Variants in MYLK observed in about 807,000 individuals in gnomAD.
MYLK encodes myosin light chain kinase, also known as myosin light chain kinase, smooth muscle.
MYLK carries 106 observed loss-of-function variants against 203.4 expected under a neutral mutation model. The ratio of observed to expected loss-of-function variants is 0.52; its 90% confidence interval spans 0.45 to 0.61. MYLK has a LOEUF of 0.61. Ranked by LOEUF, MYLK falls within the 20% of genes least tolerant of loss-of-function variation. The pLI is 0.00. For missense variants in MYLK, 2,072 were observed against 2,442.3 expected (o/e 0.85, Z 3.20); for synonymous variants, 867 against 959.5 (o/e 0.90, Z 1.78).
chr3:123,872,063 C>T (rs911133483), intron 2 of MYLK, among the ~76,000 whole-genome samples: 3 of 151,838 alleles, frequency 2.0e-5, no homozygotes, highest in African/African-American at 7.3e-5. Context: ...AAACTATGAC[C>T]AGCAGGCCAA....
intron 19 of MYLK, among the ~76,000 whole-genome samples, chr3:123,686,424 C>T (rs186323399): frequency 1.5e-4 from 22 of 151,566 alleles, no homozygotes; most frequent in East Asian, 7.8e-4. Flanking sequence ...TCTGACCCCA[C>T]GCAGGGGGCA....
At chr3:123,798,130 C>T (rs1428066777) in intron 3 of MYLK, among the ~76,000 whole-genome samples, 1 of 152,228 alleles carries the variant, frequency 6.6e-6, no homozygotes. Context: ...GGGCACCCAT[C>T]TCAATCAGAA....
At chr3:123,681,961 G>A (rs2108453509) in intron 20 of MYLK, 6 of 527,594 alleles carry the variant, frequency 1.1e-5, no homozygotes, top group East Asian at 6.8e-5. Context: ...GGGCAGGGGA[G>A]GTAGATAGGA....
intron 5 of MYLK, 135 bp downstream of exon 5, chr3:123,752,196 C>T: frequency 1.1e-6 from 1 of 907,946 alleles, no homozygotes; most frequent in Non-Finnish European, 1.8e-6. Flanking sequence ...ATTGGAAGGT[C>T]CGGGGTTCAA....
At chr3:123,786,828 T>G (rs928195500) in intron 4 of MYLK, among the ~76,000 whole-genome samples, 2 of 152,204 alleles carry the variant, frequency 1.3e-5, no homozygotes, top group Non-Finnish European at 2.9e-5. Flanking sequence ...TTACTATGTA[T>G]ACATGGCCCA....
intron 19 of MYLK, among the ~76,000 whole-genome samples, chr3:123,684,879 C>G (rs1460851012): frequency 1.3e-5 from 2 of 152,230 alleles, no homozygotes; most frequent in Non-Finnish European, 2.9e-5. Flanking sequence ...GTATGCAGTT[C>G]TGCACTCCTT....
chr3:123,712,503 C>T (rs1411747356), intron 13 of MYLK, among the ~76,000 whole-genome samples: 1 of 152,250 alleles, frequency 6.6e-6, no homozygotes, highest in Non-Finnish European at 1.5e-5. Flanking sequence ...TCCTCTTCAA[C>T]CCCACCTTCT....
chr3:123,762,484 A>G (rs1216809563), intron 4 of MYLK, among the ~76,000 whole-genome samples: 2 of 151,556 alleles, frequency 1.3e-5, no homozygotes, highest in Non-Finnish European at 2.9e-5. Context: ...ACCCACCTTG[A>G]CCTCCCAAAG....
At chr3:123,733,656 G>A (rs1366836232) in intron 10 of MYLK, 31 bp downstream of exon 10, 5 of 1,612,126 alleles carry the variant, frequency 3.1e-6, no homozygotes, top group Non-Finnish European at 4.2e-6. Flanking sequence ...CTACATTTTG[G>A]CAATCGGTGA....
chr3:123,781,831 T>C (rs186475012), intron 4 of MYLK, among the ~76,000 whole-genome samples: 20 of 152,210 alleles, frequency 1.3e-4, no homozygotes, highest in African/African-American at 4.8e-4. Context: ...GGTAAAGTGC[T>C]TCATAAACAT....
intron 31 of MYLK, chr3:123,624,566 A>AC (rs2107944247): frequency 6.6e-6 from 1 of 152,390 alleles, no homozygotes; most frequent in African/African-American, 2.4e-5. Flanking sequence ...CCCCGCCCTG[A>AC]CATCAGCTTC....
At chr3:123,675,198 C>G (rs1388927571) in intron 20 of MYLK, among the ~76,000 whole-genome samples, 2 of 152,212 alleles carry the variant, frequency 1.3e-5, no homozygotes, top group African/African-American at 4.8e-5. Flanking sequence ...AGGTGCTGAG[C>G]CTTCCACTCT....
chr3:123,761,074 T>C (rs2063518911), intron 4 of MYLK, among the ~76,000 whole-genome samples: 1 of 152,112 alleles, frequency 6.6e-6, no homozygotes, highest in Non-Finnish European at 1.5e-5. Context: ...CCAGTCATGA[T>C]TGGACCTGGA....
At chr3:123,803,124 C>T (rs1357870612) in intron 3 of MYLK, among the ~76,000 whole-genome samples, 1 of 152,114 alleles carries the variant, frequency 6.6e-6, no homozygotes, top group Non-Finnish European at 1.5e-5. Flanking sequence ...AGGAGGGTGG[C>T]TTGAGGCAAT....
intron 31 of MYLK, 141 bp from the exon 32 acceptor site, chr3:123,620,477 GC>G (rs2057794624): frequency 6.4e-7 from 1 of 1,566,090 alleles, no homozygotes. Flanking sequence ...CCGAGGTTCT[GC>G]CAGAGGAGCG....
chr3:123,721,546 C>T (rs2062086960), intron 13 of MYLK, among the ~76,000 whole-genome samples: 1 of 152,054 alleles, frequency 6.6e-6, no homozygotes, highest in Non-Finnish European at 1.5e-5. Context: ...GACCAGGCTG[C>T]TGATGTGTAA....
At position 123,640,546 on chromosome 3, in the gene MYLK, T is replaced by C; in HGVS notation, c.4620-42A>G. The C allele has an allele frequency of 2.5e-6, 4 of 1,608,600 alleles. No individual in the cohort carries two copies. Among genetic ancestry groups the C allele is most frequent in the Non-Finnish European group, 2.6e-6 (3 of 1,176,328 alleles). ...ACGGGGTGGTCAGGCCACAGGCTCA[T>C]GGAGGCCAGGCTGGCAGGGAGTCTG... On this transcript the variant is annotated intron_variant, in intron 27 of 33. Transcript: ENST00000360304. The surrounding 1 kb of genome is among the most constrained non-coding windows in gnomAD (Gnocchi z 4.3).
Position 123,717,660 on chromosome 3 carries a change from G to A in MYLK, c.1804+4468C>T, listed in dbSNP as rs542925003. 6.6e-5 allele frequency among the ~76,000 whole-genome samples: 10 copies of A among 152,208 alleles called. No homozygotes were observed. In the South Asian group the frequency reaches 1.9e-3, roughly 28 times the overall value. On this transcript the variant is annotated intron_variant, in intron 13 of 33. Coordinates refer to ENST00000360304, the MANE Select transcript of MYLK (RefSeq NM_053025.4). ...CCCCCAGCAATGACTCAGTCCAAAC[G>A]CTGTGAAATATATACTGTATTTCAG...
intron 2 of MYLK, among the ~76,000 whole-genome samples, chr3:123,832,158 G>T (rs2066350480): frequency 6.6e-6 from 1 of 152,198 alleles, no homozygotes; most frequent in Admixed American, 6.5e-5. Flanking sequence ...GGAAAGCACT[G>T]TGCTTCTAGA....
Sources: gnomAD v4.1 joint callset for allele counts (sites outside exome capture counted in the v4.1 genomes callset) on GRCh38, gnomAD v4.1.1 for gene constraint, Gnocchi (gnomAD v3.1) non-coding constraint, MANE v1.5 for transcripts, NCBI Gene and HGNC (gene_info 2026-07-23, HGNC 2026-07-21) for gene names.